Variants in DDHD2 observed in about 807,000 individuals in gnomAD.
DDHD2 encodes triacylglycerol hydrolase DDHD2.
In DDHD2, 62 loss-of-function variants were observed where a neutral mutation model predicts 91.2. The ratio of observed to expected loss-of-function variants is 0.68; its 90% CI spans 0.55 to 0.84. The LOEUF is 0.84. Ranked by LOEUF, DDHD2 falls within the 40% of genes least tolerant of loss-of-function variation. DDHD2 has a pLI of 0.00. For synonymous variants in DDHD2, 271 were observed against 293.9 expected, an observed-to-expected ratio of 0.92 and a Z score of 0.80; for missense variants, 740 against 846.9, an observed-to-expected ratio of 0.87 and a Z score of 1.57.
At chr8:38,240,169 C>T (rs1231104258) in intron 5 of DDHD2, 106 bp from the exon 6 acceptor site, 1 of 528,164 alleles carries the variant, frequency 1.9e-6, no homozygotes, top group East Asian at 3.1e-5. Context: ...TTTAAATTAT[C>T]TGTTCATCTT....
chr8:38,239,887 G>A (rs1171654802), intron 5 of DDHD2, among the ~76,000 whole-genome samples: 5 of 150,632 alleles, frequency 3.3e-5, no homozygotes, highest in African/African-American at 7.3e-5. Context: ...CACCACACCC[G>A]GCTAATTTTG....
chr8:38,233,792 C>T (rs926851403), intron 2 of DDHD2, among the ~76,000 whole-genome samples: 8 of 151,574 alleles, frequency 5.3e-5, no homozygotes, highest in East Asian at 1.9e-4. Flanking sequence ...AGCTGGGCGG[C>T]GGGGTTTGTG....
At chr8:38,238,933 ATG>A (rs35242983) in intron 5 of DDHD2, 52 of 151,636 alleles carry the variant, frequency 3.4e-4, no homozygotes, top group Admixed American at 1.4e-3. Context: ...AGAAAAATAA[ATG>A]TGTGTGTGTG....
Position 38,241,227 on chromosome 8 carries a change from G to A in DDHD2, c.712+863G>A, listed in dbSNP as rs1478782718. Among the ~76,000 whole-genome samples the A allele has an allele frequency of 2.0e-5, 3 of 151,996 alleles. No individual in the cohort carries two copies. The East Asian group carries it at 5.8e-4, about 29-fold the overall frequency. ...GATGTGATATGAATTTCAAACAACA[G>A]TGTATTTTTTTTTCTTTAAAGTATT... On this transcript the variant is annotated intron_variant, in intron 6 of 17. Coordinates refer to ENST00000397166, the MANE Select transcript of DDHD2 (RefSeq NM_015214.3).
At chr8:38,268,097 C>G in intron 1 of DDHD2, 1 of 1,487,006 alleles carries the variant, frequency 6.7e-7, no homozygotes, top group East Asian at 2.4e-5. Context: ...AATTAGGGTC[C>G]TCAGTGATCA....
chr8:38,237,648 T>C, intron 4 of DDHD2, 21 bp downstream of exon 4: 3 of 1,414,828 alleles, frequency 2.1e-6, no homozygotes, highest in Non-Finnish European at 2.9e-6. Context: ...GCATTTCTCT[T>C]GTCGGGATAA....
intron 16 of DDHD2, chr8:38,255,212 AAG>A: frequency 3.6e-6 from 1 of 278,926 alleles, no homozygotes; most frequent in Non-Finnish European, 7.0e-6. Context: ...AAAAAAAAAA[AAG>A]CAAGCTCAAA....
At chr8:38,266,360 C>T, downstream of DDHD2, 1 of 1,512,778 alleles carries the variant, frequency 6.6e-7, no homozygotes, top group Non-Finnish European at 9.1e-7. Flanking sequence ...AGGAAGCTAC[C>T]TCATTCATCC....
At chr8:38,243,311 C>A (rs778797077) in intron 7 of DDHD2, among the ~76,000 whole-genome samples, 18 of 152,176 alleles carry the variant, frequency 1.2e-4, no homozygotes, top group Non-Finnish European at 1.9e-4. Flanking sequence ...TGGCACCTGG[C>A]ACTCACACCT....
chr8:38,272,010 A>T (rs1296512104), downstream of DDHD2: 1 of 152,258 alleles, frequency 6.6e-6, no homozygotes, highest in Non-Finnish European at 1.5e-5. Context: ...ACCTATTGGA[A>T]TACACCATGC....
In DDHD2 at chr8:38,260,135, A is replaced by G. The variant is rs373583557; in HGVS notation, c.*14A>G. The G allele has an allele frequency of 9.6e-6, 15 of 1,560,858 alleles. No homozygotes were observed. Among genetic ancestry groups the G allele is most frequent in the African/African-American group, 2.7e-5 (2 of 73,722 alleles). ...CCTTTACAGTAAAAATGACCCATCTATGGCTGCTTAATGTAAGTTTTAAAA... is the reference window on the plus strand; with the variant it reads ...CCTTTACAGTAAAAATGACCCATCTGTGGCTGCTTAATGTAAGTTTTAAAA... On this transcript the variant is annotated 3_prime_UTR_variant, in exon 17 of 18. Coordinates refer to ENST00000397166, the MANE Select transcript of DDHD2 (RefSeq NM_015214.3).
downstream of DDHD2, chr8:38,263,462 G>A (rs1807194929): frequency 2.0e-6 from 2 of 985,246 alleles, no homozygotes; most frequent in Non-Finnish European, 2.4e-6. Flanking sequence ...GTCAAATGAG[G>A]TAGAAACAGT....
At chr8:38,269,447 A>G (rs1808347291) in intron 1 of DDHD2, among the ~76,000 whole-genome samples, 1 of 152,124 alleles carries the variant, frequency 6.6e-6, no homozygotes, top group South Asian at 2.1e-4. Flanking sequence ...CGTACGGTCC[A>G]TCATCAGCAG....
chr8:38,242,108 C>T (rs1263066231), intron 6 of DDHD2, 142 bp from the exon 7 acceptor site: 2 of 654,256 alleles, frequency 3.1e-6, no homozygotes, highest in Non-Finnish European at 2.5e-6. Context: ...CATAATTTTT[C>T]CTGAATACCA....
At chr8:38,253,321 C>A in intron 15 of DDHD2, 194 bp downstream of exon 15, 1 of 739,102 alleles carries the variant, frequency 1.4e-6, no homozygotes, top group Non-Finnish European at 2.2e-6. Context: ...AATGACCTAG[C>A]TATCAATGGT....
At chr8:38,235,403 G>A (rs1804634160) in intron 3 of DDHD2, among the ~76,000 whole-genome samples, 1 of 151,894 alleles carries the variant, frequency 6.6e-6, no homozygotes, top group South Asian at 2.1e-4. Flanking sequence ...GATGGAAATG[G>A]TTGTGGTGTT....
At chr8:38,268,333 C>T in intron 1 of DDHD2, 1 of 1,527,306 alleles carries the variant, frequency 6.5e-7, no homozygotes, top group Non-Finnish European at 8.9e-7. Context: ...CCTAGGTTCC[C>T]AGCACGAAGA....
chr8:38,269,194 C>A (rs1438213981), intron 1 of DDHD2: 18 of 1,500,432 alleles, frequency 1.2e-5, no homozygotes, highest in African/African-American at 5.8e-5. Flanking sequence ...CCGCCGCCTT[C>A]CCCATCCGGC....
rs1271014969 is a variant in DDHD2 at position 38,261,104 on chromosome 8, A to G, written c.*531A>G. On this transcript the variant is annotated 3_prime_UTR_variant, in exon 18 of 18. Transcript: ENST00000397166. ...AGACTTTTGGGTGATTTATTTTTGA[A>G]CCTGCATTTCTTTCTTATGTGTAGT... 6.6e-6 allele frequency: 1 copy of G among 152,126 alleles called. No homozygotes were observed. The highest frequency in any genetic ancestry group is 1.5e-5 in the Non-Finnish European group (1 of 68,020). 9.4% of individuals were successfully genotyped at this position (152,126 alleles called of 1,614,324 possible). A position where few individuals can be genotyped will look rare whatever the true frequency, so the allele number is the denominator to read the frequency against.
Sources: gnomAD v4.1 joint callset for allele counts (sites outside exome capture counted in the v4.1 genomes callset) on GRCh38, gnomAD v4.1.1 for gene constraint, MANE v1.5 for transcripts, NCBI Gene and HGNC (gene_info 2026-07-23, HGNC 2026-07-21) for gene names.